Variants in PCDHGA10 observed in about 807,000 individuals in gnomAD.
PCDHGA10 encodes the protein protocadherin gamma subfamily A, 10.
In PCDHGA10, 42 loss-of-function variants were observed where a neutral mutation model predicts 59.5. The ratio of observed to expected loss-of-function variants is 0.71; its 90% CI spans 0.55 to 0.91. The LOEUF is 0.91. Ranked by LOEUF, PCDHGA10 falls within the 40% of genes least tolerant of loss-of-function variation. The pLI, the probability that PCDHGA10 is intolerant of heterozygous loss-of-function variation, is 0.00. For synonymous variants in PCDHGA10, 511 were observed against 517.2 expected, an observed-to-expected ratio of 0.99 and a Z score of 0.16; for missense variants, 1,111 against 1,198.2, an observed-to-expected ratio of 0.93 and a Z score of 1.07.
intron 1 of PCDHGA10, among the ~76,000 whole-genome samples, chr5:141,451,780 C>T (rs988572200): frequency 6.6e-6 from 1 of 152,016 alleles, no homozygotes; most frequent in Non-Finnish European, 1.5e-5. Flanking sequence ...ACTCAGGAGG[C>T]TGAGGCCAGA....
chr5:141,491,648 T>G lies in PCDHGA10; in HGVS notation c.2437-3159T>G, dbSNP rs756792762. 1 of 1,613,834 alleles carries G rather than the reference T, an allele frequency of 6.2e-7. No individual in the cohort carries two copies. Among genetic ancestry groups the G allele is most frequent in the Non-Finnish European group, 8.5e-7 (1 of 1,180,002 alleles). On this transcript the variant is annotated intron_variant, in intron 1 of 3. Coordinates refer to ENST00000398610, the MANE Select transcript of PCDHGA10 (RefSeq NM_018913.3). This position sits in a 1 kb window ranked among gnomAD's most constrained non-coding sequence, Gnocchi z 6.9. Reference sequence around the variant, plus strand: ...GTTCAGCAGCCCACAGCTCTGGCGCTGGAGCCTGACGCCATCCGGTCCCGC... The same window carrying G: ...GTTCAGCAGCCCACAGCTCTGGCGCGGGAGCCTGACGCCATCCGGTCCCGC...
At position 141,485,685 on chromosome 5, in the gene PCDHGA10, G is replaced by A; in HGVS notation, c.2437-9122G>A. ...GGGAGCAATTCGATTAGCAGCTATA[G>A]GCTGAGCTCCAATGAACACTTTGCA... On this transcript the variant is annotated intron_variant, in intron 1 of 3. Coordinates refer to ENST00000398610, the MANE Select transcript of PCDHGA10 (RefSeq NM_018913.3). This position sits in a 1 kb window ranked among gnomAD's most constrained non-coding sequence, Gnocchi z 5.7. 1.2e-6 allele frequency: 2 copies of A among 1,614,052 alleles called. No homozygotes were observed. The highest frequency in any genetic ancestry group is 1.3e-5 in the African/African-American group (1 of 75,072).
rs1476229913 is a variant in PCDHGA10 at position 141,415,614 on chromosome 5, G to A, written c.2436+3G>A. The A allele has an allele frequency of 6.2e-7, 1 of 1,612,128 alleles. No individual in the cohort carries two copies. The highest frequency in any genetic ancestry group is 1.7e-5 in the Admixed American group (1 of 59,816). On this transcript the variant is annotated splice_donor_region_variant and intron_variant, in intron 1 of 3. Transcript: ENST00000398610. ...TAGAGGATACCCCATTGGTTCCAGTGAGTTTTATTTTCATTTTTACTTTTG... is the reference window on the plus strand; with the variant it reads ...TAGAGGATACCCCATTGGTTCCAGTAAGTTTTATTTTCATTTTTACTTTTG...
At chr5:141,478,283 T>C (rs755297808) in intron 1 of PCDHGA10, 2 of 1,614,148 alleles carry the variant, frequency 1.2e-6, no homozygotes, top group South Asian at 2.2e-5. Context: ...GTGGAAGCAG[T>C]CTAGAGACCT....
chr5:141,471,003 C>A (rs2099246040), intron 1 of PCDHGA10, among the ~76,000 whole-genome samples: 1 of 151,658 alleles, frequency 6.6e-6, no homozygotes, highest in East Asian at 1.9e-4. Flanking sequence ...AGGCATGAGC[C>A]ACTGTGCCTG....
At chr5:141,443,704 C>T (rs894128704) in intron 1 of PCDHGA10, among the ~76,000 whole-genome samples, 6 of 152,102 alleles carry the variant, frequency 3.9e-5, no homozygotes, top group Non-Finnish European at 7.4e-5. Flanking sequence ...TATAGAATAA[C>T]ATTTGCATAT....
In PCDHGA10 at chr5:141,512,848, G is replaced by C. The variant is rs1362051688; in HGVS notation, c.*1675G>C. The C allele has an allele frequency of 6.6e-6, 1 of 152,216 alleles. No individual in the cohort carries two copies. 9.4% of individuals were successfully genotyped at this position (152,216 alleles called of 1,614,324 possible). ...CCCCGTACTGACTTCTCCTATAAGC[G>C]CTTCTCTTCGCATAGTCACGTAGCT... On this transcript the variant is annotated 3_prime_UTR_variant, in exon 4 of 4. Transcript: ENST00000398610.
At position 141,471,885 on chromosome 5, in the gene PCDHGA10, A is replaced by G. The variant is rs180968509; in HGVS notation, c.2437-22922A>G. ...ACTGTGGTTGCCTGAGGCTGAAGCT[A>G]GGAAGATTGACTACAGACAAGCATG... On this transcript the variant is annotated intron_variant, in intron 1 of 3. Transcript: ENST00000398610. Among the ~76,000 whole-genome samples the G allele has an allele frequency of 1.9e-3, 294 of 152,338 alleles. 1 individual carries two copies. Among genetic ancestry groups the G allele is most frequent in the Middle Eastern group, 0.017 (5 of 294 alleles).
In PCDHGA10 at chr5:141,511,036, G is replaced by T; in HGVS notation, c.2674G>T (p.Val892Leu). The T allele has an allele frequency of 1.2e-6, 2 of 1,614,200 alleles. No homozygotes were observed. The highest frequency in any genetic ancestry group is 1.7e-6 in the Non-Finnish European group (2 of 1,180,024). Residue 892 changes from valine to leucine, a missense_variant, in exon 4 of 4, where the codon GTG (valine) becomes TTG (leucine). Transcript: ENST00000398610. ...RYGPQFTLQHVPDYRQNVYIP... is the reference protein window; with the variant it reads ...RYGPQFTLQHLPDYRQNVYIP... Reference sequence around the variant, plus strand: ...CGGACCCCAGTTCACCCTGCAGCACGTGCCCGACTACCGCCAGAATGTCTA... The same window carrying T: ...CGGACCCCAGTTCACCCTGCAGCACTTGCCCGACTACCGCCAGAATGTCTA...
Position 141,432,169 on chromosome 5 carries a change from C to T in PCDHGA10, c.2436+16558C>T. On this transcript the variant is annotated intron_variant, in intron 1 of 3. Transcript: ENST00000398610. The surrounding 1 kb of genome is among the most constrained non-coding windows in gnomAD (Gnocchi z 6.0). ...CAGAGAACAATCCCAGAGGAGTTTCCCTCGTCTCTGTGACCGCCCACGACC... is the reference window on the plus strand; with the variant it reads ...CAGAGAACAATCCCAGAGGAGTTTCTCTCGTCTCTGTGACCGCCCACGACC... The T allele has an allele frequency of 6.2e-7, 1 of 1,614,204 alleles. No homozygotes were observed. The highest frequency in any genetic ancestry group is 1.6e-4 in the Middle Eastern group (1 of 6,062).
intron 1 of PCDHGA10, among the ~76,000 whole-genome samples, chr5:141,494,157 G>A (rs929922206): frequency 5.9e-5 from 9 of 152,312 alleles, no homozygotes; most frequent in African/African-American, 1.7e-4. Context: ...TGTCTGGCAC[G>A]GAGTTCTAGG....
chr5:141,501,025 C>T (rs999221755), intron 2 of PCDHGA10, among the ~76,000 whole-genome samples: 94 of 152,100 alleles, frequency 6.2e-4, no homozygotes, highest in East Asian at 1.9e-3. Flanking sequence ...CGCGCCACCA[C>T]GCCCAGCTAA....
chr5:141,429,314 C>A (rs1463397731), intron 1 of PCDHGA10, among the ~76,000 whole-genome samples: 2 of 151,722 alleles, frequency 1.3e-5, no homozygotes, highest in Admixed American at 6.6e-5. Flanking sequence ...GTATATAAGG[C>A]TTTTTCTTTA....
chr5:141,442,700 T>TC (rs1388243183), intron 1 of PCDHGA10, among the ~76,000 whole-genome samples: 5 of 152,198 alleles, frequency 3.3e-5, no homozygotes, highest in Non-Finnish European at 7.3e-5. Flanking sequence ...CAGACAAGAG[T>TC]ATCAGACATG....
chr5:141,510,229 C>T (rs904367594), intron 3 of PCDHGA10, among the ~76,000 whole-genome samples: 3 of 150,486 alleles, frequency 2.0e-5, no homozygotes, highest in African/African-American at 7.4e-5. Context: ...GCCGGGATCG[C>T]GCCACTGCAC....
In PCDHGA10 at chr5:141,505,419, C is replaced by T; in HGVS notation, c.2522C>T (p.Thr841Ile). 3 of 1,614,258 alleles carry T rather than the reference C, an allele frequency of 1.9e-6. No homozygotes were observed. Among genetic ancestry groups the T allele is most frequent in the Non-Finnish European group, 2.5e-6 (3 of 1,180,054 alleles). Residue 841 changes from threonine to isoleucine, a missense_variant, in exon 3 of 4, where the codon ACC becomes ATC. By Grantham distance (89) the Thr-to-Ile change is moderately conservative. Transcript: ENST00000398610. The part of the protein sequence containing the change: ...SGSQNGDDTG[T>I]WPNNQFDTEM... ...TCCCAAAATGGCGATGACACCGGCA[C>T]CTGGCCCAACAACCAGTTTGACACA...
chr5:141,414,508 C>T lies in PCDHGA10; in HGVS notation c.1333C>T (p.Gln445Ter). 6.2e-7 allele frequency: 1 copy of T among 1,613,970 alleles called. No homozygotes were observed. Among genetic ancestry groups the T allele is most frequent in the Non-Finnish European group, 8.5e-7 (1 of 1,179,902 alleles). ...ATCAACGGAAGCTCACTTTATGCTACAAGTGGCAGATATCAATGACAACCC... is the reference window on the plus strand; with the variant it reads ...ATCAACGGAAGCTCACTTTATGCTATAAGTGGCAGATATCAATGACAACCC... ...PLSTEAHFML[Q>*]VADINDNPPT... Residue 445 changes from glutamine (Q) to a stop codon, truncating the protein, a stop_gained, in exon 1 of 4, where the codon CAA becomes TAA. Transcript: ENST00000398610. LOFTEE classifies it high-confidence loss of function.
At chr5:141,462,474 C>T (rs2099040477) in intron 1 of PCDHGA10, among the ~76,000 whole-genome samples, 1 of 151,994 alleles carries the variant, frequency 6.6e-6, no homozygotes, top group South Asian at 2.1e-4. Flanking sequence ...TATTCTGCTT[C>T]TCGTGGTTGT....
In PCDHGA10 at chr5:141,505,466, T is replaced by C. The variant is rs763151131; in HGVS notation, c.2569T>C (p.Leu857=). 1 of 1,614,200 alleles carries C rather than the reference T, an allele frequency of 6.2e-7. No individual in the cohort carries two copies. The highest frequency in any genetic ancestry group is 1.3e-5 in the African/African-American group (1 of 75,068). The part of the protein sequence containing the change: ...FDTEMLQAMI[L]ASASEAADGS... Reference sequence around the variant, plus strand: ...CACAGAGATGCTGCAAGCCATGATCTTGGCGTCCGCCAGTGGTAAGTGGTG... The same window carrying C: ...CACAGAGATGCTGCAAGCCATGATCCTGGCGTCCGCCAGTGGTAAGTGGTG... The change falls in exon 3 of 4, where the codon TTG becomes CTG. Residue 857 remains leucine, a synonymous_variant. Transcript: ENST00000398610.
Sources: gnomAD v4.1 joint callset for allele counts (sites outside exome capture counted in the v4.1 genomes callset) on GRCh38, gnomAD v4.1.1 for gene constraint, Gnocchi (gnomAD v3.1) non-coding constraint, MANE v1.5 for transcripts, NCBI Gene and HGNC (gene_info 2026-07-23, HGNC 2026-07-21) for gene names.